Variants in SH3RF3 observed in about 807,000 individuals in gnomAD.
The protein encoded by SH3RF3 is SH3 domain containing ring finger 3.
SH3RF3 carries 29 observed loss-of-function variants against 66.3 expected under a neutral mutation model. The ratio of observed to expected loss-of-function variants is 0.44; its 90% CI spans 0.33 to 0.60. The LOEUF is 0.60. Ranked by LOEUF, SH3RF3 falls within the 20% of genes least tolerant of loss-of-function variation. The pLI is 0.04. For missense variants in SH3RF3, 1,194 were observed against 1,190.9 expected (o/e 1.00, Z -0.04); for synonymous variants, 583 against 532.0 (o/e 1.10, Z -1.32).
intron 2 of SH3RF3, among the ~76,000 whole-genome samples, chr2:109,352,680 C>T (rs1209724002): frequency 6.6e-6 from 1 of 152,216 alleles, no homozygotes; most frequent in Non-Finnish European, 1.5e-5. Flanking sequence ...GGAACCAGTT[C>T]TCCTTTTTGG....
At chr2:109,297,451 C>T (rs1681341954) in intron 1 of SH3RF3, among the ~76,000 whole-genome samples, 2 of 152,092 alleles carry the variant, frequency 1.3e-5, no homozygotes. Flanking sequence ...CATACCTCCT[C>T]CAGAGCCAGA....
chr2:109,465,803 A>G (rs960688411), intron 8 of SH3RF3, among the ~76,000 whole-genome samples: 2 of 152,094 alleles, frequency 1.3e-5, no homozygotes, highest in Non-Finnish European at 2.9e-5. Flanking sequence ...AGGAGGTGCT[A>G]TACACCTTTA....
chr2:109,459,672 A>G (rs1363910949), intron 8 of SH3RF3, among the ~76,000 whole-genome samples: 1 of 152,080 alleles, frequency 6.6e-6, no homozygotes, highest in East Asian at 1.9e-4. Context: ...CTTTGATTCT[A>G]AGCCACAAGG....
At chr2:109,264,433 C>T (rs1449358531) in intron 1 of SH3RF3, among the ~76,000 whole-genome samples, 2 of 152,228 alleles carry the variant, frequency 1.3e-5, no homozygotes, top group Admixed American at 6.5e-5. Flanking sequence ...CCACGATCCA[C>T]CCCAAGTCTG....
chr2:109,249,519 T>TTCTTTCTC (rs10646553), intron 1 of SH3RF3, among the ~76,000 whole-genome samples: 21 of 61,896 alleles, frequency 3.4e-4, no homozygotes, highest in Non-Finnish European at 4.9e-4. Context: ...CATTCTTTCT[T>TTCTTTCTC]TTTCTTTCTT....
intron 5 of SH3RF3, among the ~76,000 whole-genome samples, chr2:109,422,947 G>T (rs1212890512): frequency 6.6e-6 from 1 of 152,270 alleles, no homozygotes; most frequent in Middle Eastern, 3.4e-3. Flanking sequence ...ACAGGCATCA[G>T]ACCGACACGC....
At chr2:109,371,563 C>T in intron 2 of SH3RF3, 23 bp from the exon 3 acceptor site, 1 of 1,608,504 alleles carries the variant, frequency 6.2e-7, no homozygotes, top group Non-Finnish European at 8.5e-7. Context: ...ATGCTTGTGT[C>T]CACGGTGGAC....
At chr2:109,220,957 A>G (rs567615076) in intron 1 of SH3RF3, among the ~76,000 whole-genome samples, 1 of 152,376 alleles carries the variant, frequency 6.6e-6, no homozygotes, top group East Asian at 1.9e-4. Context: ...ACTGAAACAG[A>G]TATGTGTACA....
intron 9 of SH3RF3, among the ~76,000 whole-genome samples, chr2:109,492,969 G>A (rs893109243): frequency 2.0e-5 from 3 of 149,342 alleles, no homozygotes; most frequent in East Asian, 2.0e-4. Flanking sequence ...AGGCCCTTGG[G>A]GGACTGGGTT....
intron 1 of SH3RF3, among the ~76,000 whole-genome samples, chr2:109,132,571 G>A (rs1303971929): frequency 3.9e-5 from 6 of 152,164 alleles, no homozygotes; most frequent in Non-Finnish European, 8.8e-5. Flanking sequence ...ACCCAGTGAC[G>A]AGTACCCATA....
At chr2:109,240,030 T>C (rs6760953) in intron 1 of SH3RF3, among the ~76,000 whole-genome samples, 24,327 of 152,174 alleles carry the variant, frequency 0.16, 3,829 homozygotes, top group African/African-American at 0.4. Flanking sequence ...TTGTCTGTAG[T>C]GGTGGCCGGG....
chr2:109,426,982 T>A (rs867563847), intron 5 of SH3RF3, among the ~76,000 whole-genome samples: 1,956 of 150,622 alleles, frequency 0.013, 38 homozygotes, highest in African/African-American at 0.046. Flanking sequence ...ATATATATTT[T>A]TTTTTGAGAC....
Position 109,215,121 on chromosome 2 carries a change from G to GAA in SH3RF3, c.573+85009_573+85010insAA, listed in dbSNP as rs967168089. 4.0e-4 allele frequency among the ~76,000 whole-genome samples: 61 copies of GAA among 152,290 alleles called. 1 individual carries two copies. The highest frequency in any genetic ancestry group is 1.4e-3 in the African/African-American group (59 of 41,566). ...ACTAACCTCCATACACATCACAATT[G>GAA]ACCGTGTTAAGCATCTACGTGTCTT... On this transcript the variant is annotated intron_variant, in intron 1 of 9. Coordinates refer to ENST00000309415, the MANE Select transcript of SH3RF3 (RefSeq NM_001099289.3).
intron 1 of SH3RF3, among the ~76,000 whole-genome samples, chr2:109,283,052 A>C (rs766283672): frequency 6.6e-6 from 1 of 152,196 alleles, no homozygotes; most frequent in Non-Finnish European, 1.5e-5. Context: ...TGCAGACAGA[A>C]GGTAAGTCCA....
chr2:109,137,399 C>T (rs933886413), intron 1 of SH3RF3, among the ~76,000 whole-genome samples: 2 of 152,218 alleles, frequency 1.3e-5, no homozygotes, highest in Non-Finnish European at 2.9e-5. Context: ...CAGCACCTTT[C>T]AGAGAAGCTG....
chr2:109,383,106 A>C (rs1675739046), intron 3 of SH3RF3, among the ~76,000 whole-genome samples: 1 of 152,186 alleles, frequency 6.6e-6, no homozygotes, highest in South Asian at 2.1e-4. Flanking sequence ...GCTCCGAGGC[A>C]CTTGTCCCCA....
chr2:109,235,228 A>G (rs1029521421), intron 1 of SH3RF3, among the ~76,000 whole-genome samples: 3 of 152,226 alleles, frequency 2.0e-5, no homozygotes, highest in African/African-American at 7.2e-5. Context: ...AGCATGTAAA[A>G]TAGATCAACC....
At chr2:109,207,489 A>G (rs760947029) in intron 1 of SH3RF3, among the ~76,000 whole-genome samples, 9 of 152,176 alleles carry the variant, frequency 5.9e-5, no homozygotes, top group Non-Finnish European at 1.2e-4. Context: ...ATGCAGCAGA[A>G]CCATCTGCCT....
intron 5 of SH3RF3, among the ~76,000 whole-genome samples, chr2:109,425,347 C>A (rs541912501): frequency 2.0e-4 from 30 of 152,248 alleles, no homozygotes; most frequent in African/African-American, 6.7e-4. Flanking sequence ...TAGCTAAAAT[C>A]ACTGATGAAG....
Sources: gnomAD v4.1 joint callset for allele counts (sites outside exome capture counted in the v4.1 genomes callset) on GRCh38, gnomAD v4.1.1 for gene constraint, MANE v1.5 for transcripts, NCBI Gene and HGNC (gene_info 2026-07-23, HGNC 2026-07-21) for gene names.